Variants in MEGF6 observed in about 807,000 individuals in gnomAD.
The protein encoded by MEGF6 is multiple EGF like domains 6.
In MEGF6, 184 loss-of-function variants were observed where a neutral mutation model predicts 207.1. The ratio of observed to expected loss-of-function variants is 0.89; its 90% CI spans 0.79 to 1.00. MEGF6 has a LOEUF of 1.00. Among genes scored for constraint, MEGF6 ranks in the 50% least tolerant of loss-of-function variants. The pLI, the probability that MEGF6 is intolerant of heterozygous loss-of-function variation, is 0.00. For missense variants in MEGF6, 2,282 were observed against 2,202.9 expected (o/e 1.04, Z -0.72); for synonymous variants, 1,038 against 910.0 (o/e 1.14, Z -2.53).
At chr1:3,558,629 C>A (rs1643103563) in intron 4 of MEGF6, among the ~76,000 whole-genome samples, 1 of 152,136 alleles carries the variant, frequency 6.6e-6, no homozygotes. Context: ...CCAACTGCAG[C>A]CAATAGGGGA....
rs1056282135 is a variant in MEGF6, at chr1:3,488,372, G to T, written c.*2156C>A. ...GTGATTGGTACCTGCCAGGCCCCCC[G>T]TCCACACCCTCACACCATGCTGAGA... On this transcript the variant is annotated 3_prime_UTR_variant, in exon 37 of 37. Transcript: ENST00000356575. Among the ~76,000 whole-genome samples the T allele has an allele frequency of 6.6e-6, 1 of 152,146 alleles. No individual in the cohort carries two copies. Among genetic ancestry groups the T allele is most frequent in the Admixed American group, 6.5e-5 (1 of 15,280 alleles).
intron 3 of MEGF6, among the ~76,000 whole-genome samples, chr1:3,581,537 C>T (rs1395188932): frequency 6.6e-6 from 1 of 152,214 alleles, no homozygotes; most frequent in Non-Finnish European, 1.5e-5. Context: ...AGGAAACATC[C>T]GTGTCCCAAG....
chr1:3,496,025 G>T lies in MEGF6; in HGVS notation c.3743-7C>A. 6.6e-7 allele frequency: 1 copy of T among 1,509,288 alleles called. No homozygotes were observed. Among genetic ancestry groups the T allele is most frequent in the South Asian group, 1.3e-5 (1 of 78,170 alleles). The allele number at this position is 1,509,288 out of a possible 1,614,324, so 93.5% of individuals were successfully genotyped here. On this transcript the variant is annotated splice_polypyrimidine_tract_variant and splice_region_variant and intron_variant, in intron 29 of 36. Transcript: ENST00000356575. ...AAGCGGCCCTGCGGACAGGCTGCCG[G>T]GGAGGAAGTGGTGATCGTGGCTGGC...
At chr1:3,524,094 G>T (rs764165706) in intron 5 of MEGF6, 30 bp downstream of exon 5, 1 of 1,605,880 alleles carries the variant, frequency 6.2e-7, no homozygotes, top group Non-Finnish European at 8.5e-7. Context: ...GAAGCCAGGA[G>T]CCCAGGCAGG....
chr1:3,604,660 C>T (rs535768134), intron 1 of MEGF6, among the ~76,000 whole-genome samples: 8 of 152,274 alleles, frequency 5.3e-5, no homozygotes, highest in African/African-American at 1.7e-4. Context: ...CCTGACATTA[C>T]ATCATCGAAT....
chr1:3,577,355 G>A (rs773083545), intron 4 of MEGF6, among the ~76,000 whole-genome samples: 15 of 152,208 alleles, frequency 9.9e-5, no homozygotes, highest in African/African-American at 3.4e-4. Context: ...CAGCTCCCCC[G>A]GGACCAAGGC....
intron 4 of MEGF6, among the ~76,000 whole-genome samples, chr1:3,527,691 A>C (rs1642012681): frequency 6.6e-6 from 1 of 152,138 alleles, no homozygotes; most frequent in Non-Finnish European, 1.5e-5. Context: ...CTGGGGGCAG[A>C]CTCATGCCCA....
intron 26 of MEGF6, among the ~76,000 whole-genome samples, chr1:3,498,023 C>A (rs531972417): frequency 6.6e-6 from 1 of 152,150 alleles, no homozygotes; most frequent in Admixed American, 6.5e-5. Flanking sequence ...AGGAGGCCCC[C>A]AGCCAGCACA....
rs1372948140 is a variant in MEGF6 at position 3,573,086 on chromosome 1, T to A, written c.481+6739A>T. Among the ~76,000 whole-genome samples, 1 of 150,864 alleles carries A rather than the reference T, an allele frequency of 6.6e-6. No homozygotes were observed. Among genetic ancestry groups the A allele is most frequent in the Non-Finnish European group, 1.5e-5 (1 of 67,720 alleles). ...CCCTGGTGGGCTGGGTTCCCTCAGG[T>A]GTGCTGGGTCCTTCCTGGTATGCTG... is the stretch of plus-strand genomic sequence containing the variant. On this transcript the variant is annotated intron_variant, in intron 4 of 36. Coordinates refer to ENST00000356575, the MANE Select transcript of MEGF6 (RefSeq NM_001409.4). This position sits in a 1 kb window ranked among gnomAD's most constrained non-coding sequence, Gnocchi z 5.1.
chr1:3,531,009 A>C, intron 4 of MEGF6: 2 of 1,415,138 alleles, frequency 1.4e-6, no homozygotes, highest in Non-Finnish European at 1.8e-6. Flanking sequence ...CTTTAAAAAC[A>C]GGAAACAAAG....
intron 7 of MEGF6, among the ~76,000 whole-genome samples, 167 bp downstream of exon 7, chr1:3,514,383 C>A (rs1641461844): frequency 6.6e-6 from 1 of 152,234 alleles, no homozygotes; most frequent in South Asian, 2.1e-4. Flanking sequence ...CCTCAGCCCC[C>A]AGCAAGGGAG....
intron 1 of MEGF6, among the ~76,000 whole-genome samples, chr1:3,605,779 G>T (rs1415032488): frequency 2.6e-5 from 4 of 152,236 alleles, no homozygotes; most frequent in Non-Finnish European, 5.9e-5. Flanking sequence ...TGGCTGCCAG[G>T]TGGGTTTAGT....
chr1:3,610,166 T>C (rs944253547), intron 1 of MEGF6, among the ~76,000 whole-genome samples: 2 of 152,254 alleles, frequency 1.3e-5, no homozygotes, highest in African/African-American at 4.8e-5. Flanking sequence ...CTCCACTTTC[T>C]GGAGTAAAGC....
At chr1:3,532,790 G>A (rs772643345) in intron 4 of MEGF6, among the ~76,000 whole-genome samples, 43 of 152,212 alleles carry the variant, frequency 2.8e-4, no homozygotes, top group Non-Finnish European at 3.2e-4. Context: ...GCATAGCCAC[G>A]GGTAGAGCTG....
intron 12 of MEGF6, 92 bp downstream of exon 12, chr1:3,508,983 C>T: frequency 7.3e-7 from 1 of 1,378,262 alleles, no homozygotes; most frequent in Non-Finnish European, 9.6e-7. Context: ...TCCTCACGTC[C>T]CCAGCCTCTG....
chr1:3,615,863 G>A (rs959454042), upstream of MEGF6, among the ~76,000 whole-genome samples: 21 of 152,206 alleles, frequency 1.4e-4, no homozygotes, highest in Admixed American at 1.0e-3. Context: ...TGGGTTACAC[G>A]CAGAACTGGG....
intron 4 of MEGF6, among the ~76,000 whole-genome samples, chr1:3,530,842 G>C (rs886969251): frequency 1.3e-5 from 2 of 152,204 alleles, no homozygotes; most frequent in Non-Finnish European, 2.9e-5. Context: ...TCCGGTCAAG[G>C]GACCTGGCTG....
chr1:3,623,812 T>A, the MEGF6 span, among the ~76,000 whole-genome samples: 20 of 152,294 alleles, frequency 1.3e-4, no homozygotes, highest in African/African-American at 4.1e-4. Flanking sequence ...GATTTTGGCC[T>A]CCCTTTTCTC....
At chr1:3,544,325 GGGGC>G (rs1285851261) in intron 4 of MEGF6, among the ~76,000 whole-genome samples, 119 of 151,326 alleles carry the variant, frequency 7.9e-4, no homozygotes, top group African/African-American at 2.8e-3. Flanking sequence ...GACCTGAACA[GGGGC>G]TCCTGGGGCT....
Sources: allele counts gnomAD v4.1 joint callset (sites outside exome capture counted in the v4.1 genomes callset), GRCh38; gene constraint gnomAD v4.1.1; non-coding constraint Gnocchi (gnomAD v3.1); transcripts MANE v1.5; gene names NCBI Gene and HGNC (gene_info 2026-07-23, HGNC 2026-07-21).